The following SLC39A10 variants were observed in gnomAD, a reference collection of about 807,000 sequenced individuals.
SLC39A10 encodes solute carrier family 39 member 10.
A neutral mutation model predicts 65.1 loss-of-function variants in SLC39A10; 13 were observed. That is an observed-to-expected ratio of 0.20 (90% CI 0.13 to 0.32). The LOEUF (loss-of-function observed/expected upper bound fraction) is 0.32. SLC39A10 is among the 10% of genes least tolerant of loss of function. SLC39A10 has a pLI of 1.00. For synonymous variants in SLC39A10, 321 were observed against 342.2 expected (o/e 0.94, Z 0.68); for missense variants, 831 against 1,018.4 (o/e 0.82, Z 2.50).
intron 2 of SLC39A10, among the ~76,000 whole-genome samples, chr2:195,632,847 T>A (rs934488656): frequency 3.3e-5 from 5 of 152,244 alleles, no homozygotes; most frequent in African/African-American, 1.2e-4. Flanking sequence ...ATTTAATGTT[T>A]GAGTTTAAAA....
intron 2 of SLC39A10, among the ~76,000 whole-genome samples, chr2:195,621,975 T>C (rs1688357865): frequency 6.6e-6 from 1 of 152,208 alleles, no homozygotes; most frequent in South Asian, 2.1e-4. Flanking sequence ...TGTGCCGGGA[T>C]TTAGACTGAA....
At chr2:195,725,816 T>C (rs1475297884) in intron 8 of SLC39A10, among the ~76,000 whole-genome samples, 2 of 152,200 alleles carry the variant, frequency 1.3e-5, no homozygotes, top group Non-Finnish European at 2.9e-5. Flanking sequence ...GAATGAGTCT[T>C]ACATGCATTA....
chr2:195,716,316 C>A (rs1307242481), intron 6 of SLC39A10, among the ~76,000 whole-genome samples: 1 of 152,126 alleles, frequency 6.6e-6, no homozygotes, highest in Admixed American at 6.5e-5. Flanking sequence ...TTCATGCTTT[C>A]CAGTTTTTCT....
At chr2:195,616,059 G>A (rs896532870) in intron 2 of SLC39A10, among the ~76,000 whole-genome samples, 17 of 152,090 alleles carry the variant, frequency 1.1e-4, no homozygotes, top group African/African-American at 3.1e-4. Flanking sequence ...GGGTGCAAGC[G>A]ATTCTCCTGC....
intron 2 of SLC39A10, among the ~76,000 whole-genome samples, chr2:195,639,132 T>C (rs1284876708): frequency 1.3e-5 from 2 of 152,032 alleles, no homozygotes; most frequent in Non-Finnish European, 2.9e-5. Flanking sequence ...ATTTTCAGAT[T>C]TGTAAAGATA....
At chr2:195,666,895 G>A (rs958757230) in intron 1 of SLC39A10, among the ~76,000 whole-genome samples, 3 of 152,220 alleles carry the variant, frequency 2.0e-5, no homozygotes, top group Admixed American at 6.5e-5. Context: ...AACAGAGGTA[G>A]CAATATTACA....
Position 195,680,132 on chromosome 2 carries a change from C to G in SLC39A10, c.90C>G (p.Asp30Glu), listed in dbSNP as rs1690244199. 1.3e-5 allele frequency: 21 copies of G among 1,613,884 alleles called. No homozygotes were observed. Among genetic ancestry groups the G allele is most frequent in the Non-Finnish European group, 1.8e-5 (21 of 1,179,994 alleles). The part of the protein sequence containing the change: ...HHCNHCHEEH[D>E]HGPEALHRQH... ...GCAACCATTGCCATGAAGAACATGA[C>G]CATGGCCCTGAAGCGCTTCACAGAC... Residue 30 changes from aspartate to glutamate, a missense_variant, in exon 2 of 10, where the codon GAC becomes GAG. Around this residue, in one of 4 missense-constraint regions of SLC39A10, gnomAD observed 446 missense variants for 499.2 expected, o/e 0.89. Transcript: ENST00000359634.
chr2:195,646,628 C>T (rs1038111043), intron 2 of SLC39A10, among the ~76,000 whole-genome samples: 4 of 150,596 alleles, frequency 2.7e-5, no homozygotes, highest in African/African-American at 9.8e-5. Flanking sequence ...ACCCACCTCC[C>T]CCCACCACCA....
chr2:195,688,025 G>T (rs1211697735), intron 3 of SLC39A10, among the ~76,000 whole-genome samples: 2 of 152,194 alleles, frequency 1.3e-5, no homozygotes, highest in African/African-American at 4.8e-5. Context: ...TAGATAATGA[G>T]AAAGGGAGTC....
At chr2:195,686,920 G>A (rs1484755327) in intron 3 of SLC39A10, among the ~76,000 whole-genome samples, 1 of 152,186 alleles carries the variant, frequency 6.6e-6, no homozygotes, top group Admixed American at 6.5e-5. Flanking sequence ...ATTATTTTTA[G>A]TAGTATTTTG....
chr2:195,671,394 C>A (rs1184641470), intron 1 of SLC39A10, among the ~76,000 whole-genome samples: 1 of 152,146 alleles, frequency 6.6e-6, no homozygotes, highest in Non-Finnish European at 1.5e-5. Flanking sequence ...TCCCTTTTCC[C>A]ATTTCTTGTC....
chr2:195,640,459 T>C (rs1688786367), intron 2 of SLC39A10, among the ~76,000 whole-genome samples: 2 of 152,076 alleles, frequency 1.3e-5, no homozygotes, highest in Admixed American at 1.3e-4. Context: ...ATAGTTACTG[T>C]TTGTTCTTAT....
intron 8 of SLC39A10, among the ~76,000 whole-genome samples, chr2:195,719,123 G>A (rs1182505849): frequency 6.7e-6 from 1 of 148,504 alleles, no homozygotes; most frequent in Non-Finnish European, 1.5e-5. Flanking sequence ...TATATATTAT[G>A]TTGGACTTCA....
intron 2 of SLC39A10, among the ~76,000 whole-genome samples, chr2:195,640,713 C>T (rs938279008): frequency 1.3e-5 from 2 of 152,124 alleles, no homozygotes; most frequent in African/African-American, 4.8e-5. Flanking sequence ...CAGTGAATGT[C>T]TTCTAGCAGT....
chr2:195,694,929 CA>C, intron 3 of SLC39A10, among the ~76,000 whole-genome samples: 1 of 152,274 alleles, frequency 6.6e-6, no homozygotes, highest in South Asian at 2.1e-4. Flanking sequence ...AGGGTGAGCA[CA>C]GCAGGGTTTT....
intron 2 of SLC39A10, among the ~76,000 whole-genome samples, chr2:195,646,485 G>A (rs898166749): frequency 3.3e-5 from 5 of 152,158 alleles, no homozygotes; most frequent in South Asian, 2.1e-4. Flanking sequence ...GGTCTGACAC[G>A]AATTTCACTG....
intron 8 of SLC39A10, among the ~76,000 whole-genome samples, chr2:195,721,187 C>G (rs567805788): frequency 6.6e-6 from 1 of 152,144 alleles, no homozygotes; most frequent in Admixed American, 6.5e-5. Flanking sequence ...TGATCCACCT[C>G]CCTCAACCTC....
intron 2 of SLC39A10, among the ~76,000 whole-genome samples, chr2:195,615,922 CCTT>C (rs1688196765): frequency 6.6e-6 from 1 of 152,164 alleles, no homozygotes; most frequent in Non-Finnish European, 1.5e-5. Context: ...ATCTTAACCT[CCTT>C]GATTGATAAA....
At chr2:195,617,501 G>T (rs1284448542) in intron 2 of SLC39A10, among the ~76,000 whole-genome samples, 2 of 151,982 alleles carry the variant, frequency 1.3e-5, no homozygotes, top group African/African-American at 4.8e-5. Flanking sequence ...GGCAGATGTT[G>T]CAGTGAGCCG....
Sources: gnomAD v4.1 joint callset for allele counts (sites outside exome capture counted in the v4.1 genomes callset) on GRCh38, gnomAD v4.1.1 for gene constraint, gnomAD v4.1.1 regional missense constraint, MANE v1.5 for transcripts, NCBI Gene and HGNC (gene_info 2026-07-23, HGNC 2026-07-21) for gene names.